Variants in UNC13C observed in about 807,000 individuals in gnomAD.
The protein encoded by UNC13C is unc-13 homolog C.
In UNC13C, 174 loss-of-function variants were observed where a neutral mutation model predicts 245.4. That is an observed-to-expected ratio of 0.71 (90% CI 0.63 to 0.80). UNC13C has a LOEUF of 0.80. Ranked by LOEUF, UNC13C falls within the 30% of genes least tolerant of loss-of-function variation. UNC13C has a pLI of 0.00. For missense variants in UNC13C, 2,829 were observed against 2,602.9 expected (o/e 1.09, Z -1.89); for synonymous variants, 992 against 895.1 (o/e 1.11, Z -1.93).
intron 2 of UNC13C, among the ~76,000 whole-genome samples, chr15:54,104,234 G>A (rs1197424339): frequency 2.6e-5 from 4 of 152,158 alleles, no homozygotes; most frequent in African/African-American, 9.7e-5. Flanking sequence ...ACGATGCCTG[G>A]ATTCTATATC....
the UNC13C span, among the ~76,000 whole-genome samples, chr15:53,921,032 G>C: frequency 6.6e-6 from 1 of 151,944 alleles, no homozygotes; most frequent in South Asian, 2.1e-4. Context: ...AGTTAAAGTA[G>C]GGTGCTAGGT....
intron 18 of UNC13C, among the ~76,000 whole-genome samples, chr15:54,397,082 T>C (rs1399066435): frequency 1.3e-5 from 2 of 151,464 alleles, no homozygotes; most frequent in African/African-American, 4.8e-5. Flanking sequence ...TTTAAGCTTT[T>C]AAAAAAATTC....
intron 17 of UNC13C, among the ~76,000 whole-genome samples, chr15:54,349,963 A>G (rs1211126740): frequency 6.6e-6 from 1 of 152,178 alleles, no homozygotes; most frequent in Non-Finnish European, 1.5e-5. Flanking sequence ...GAAGAAACAT[A>G]ATGTTGTATA....
intron 17 of UNC13C, among the ~76,000 whole-genome samples, chr15:54,361,784 G>T (rs562165367): frequency 1.3e-5 from 2 of 152,342 alleles, no homozygotes; most frequent in South Asian, 4.1e-4. Flanking sequence ...TACTCTGTGA[G>T]TTGAAGCTGA....
rs553810789 is a variant in UNC13C at position 54,234,520 on chromosome 15, G to A, written c.3072-510G>A. Among the ~76,000 whole-genome samples the A allele has an allele frequency of 5.9e-5, 9 of 152,230 alleles. No homozygotes were observed. The South Asian group carries it at 1.7e-3, about 28-fold the overall frequency. The stretch of plus-strand genomic sequence containing the variant: ...CCTGTAGGATGAATTCAGATAAGGG[G>A]AACTTGCGGTATAAGGGTAATTACC... On this transcript the variant is annotated intron_variant, in intron 4 of 32. Coordinates refer to ENST00000260323, the MANE Select transcript of UNC13C (RefSeq NM_001080534.3).
rs773113650 is a variant in UNC13C at position 54,013,509 on chromosome 15, C to G, written c.606C>G (p.Thr202=). 26 of 1,613,618 alleles carry G rather than the reference C, an allele frequency of 1.6e-5. No individual in the cohort carries two copies. The highest frequency in any genetic ancestry group is 2.0e-5 in the Non-Finnish European group (24 of 1,179,824). Residue 202 remains threonine (T), a synonymous_variant, in exon 2 of 33, where the codon ACC becomes ACG. Transcript: ENST00000260323. ...TCTCCTCAGACTCAGAGTTAAGCAC[C>G]ATGAAAAAATCCTGGGGAATAAGAA... The part of the protein sequence containing the change: ...ECVSSDSELS[T]MKKSWGIRSK...
intron 4 of UNC13C, among the ~76,000 whole-genome samples, chr15:54,180,757 T>A (rs1481564910): frequency 8.2e-6 from 1 of 121,948 alleles, no homozygotes; most frequent in African/African-American, 4.2e-5. Context: ...TGATGATGAA[T>A]TTTTTTTCAT....
intron 4 of UNC13C, among the ~76,000 whole-genome samples, chr15:54,201,623 G>T (rs1308483174): frequency 6.6e-6 from 1 of 151,856 alleles, no homozygotes; most frequent in Non-Finnish European, 1.5e-5. Context: ...ATCATTTTAT[G>T]ATTAAAATCC....
intron 4 of UNC13C, among the ~76,000 whole-genome samples, chr15:54,165,901 T>G (rs2033147623): frequency 6.6e-6 from 1 of 152,036 alleles, no homozygotes; most frequent in Admixed American, 6.6e-5. Context: ...AAAATGCATC[T>G]CATTTTTAAA....
intron 7 of UNC13C, among the ~76,000 whole-genome samples, chr15:54,245,317 G>A (rs1596074995): frequency 1.3e-5 from 2 of 152,118 alleles, no homozygotes; most frequent in Middle Eastern, 3.4e-3. Flanking sequence ...ATGTTATATT[G>A]TGCTCTCCTT....
chr15:54,425,660 A>G (rs1293742413), intron 19 of UNC13C, among the ~76,000 whole-genome samples: 1 of 151,872 alleles, frequency 6.6e-6, no homozygotes, highest in Non-Finnish European at 1.5e-5. Context: ...ACTAAGTTAA[A>G]ATTTCAGGGA....
chr15:54,376,642 T>A (rs1028350578), intron 17 of UNC13C, among the ~76,000 whole-genome samples: 1 of 152,200 alleles, frequency 6.6e-6, no homozygotes, highest in East Asian at 1.9e-4. Context: ...TGAGATGTGA[T>A]CCCAGGAAAG....
At position 54,012,915 on chromosome 15, in the gene UNC13C, T is replaced by G. The variant is rs771717291; in HGVS notation, c.12T>G (p.Asn4Lys). The stretch of plus-strand genomic sequence containing the variant: ...ACTAATTGCTCTCCATGGTGGCTAA[T>G]TTTTTCAAGAGCTTGATTTTACCTT... Reference protein sequence around the residue: MVANFFKSLILPYI... With the variant: MVAKFFKSLILPYI... Residue 4 changes from asparagine to lysine, a missense_variant, in exon 2 of 33, where the codon AAT becomes AAG. Coordinates refer to ENST00000260323, the MANE Select transcript of UNC13C (RefSeq NM_001080534.3). 36 of 1,597,016 alleles carry G rather than the reference T, an allele frequency of 2.3e-5. No homozygotes were observed. The highest frequency in any genetic ancestry group is 3.0e-5 in the Non-Finnish European group (35 of 1,172,840).
chr15:54,441,955 T>C (rs1890550679), intron 19 of UNC13C, among the ~76,000 whole-genome samples: 1 of 151,988 alleles, frequency 6.6e-6, no homozygotes, highest in Non-Finnish European at 1.5e-5. Flanking sequence ...AAATGGGATT[T>C]TCTTCTTTCT....
At chr15:54,165,936 A>T (rs1041211404) in intron 4 of UNC13C, among the ~76,000 whole-genome samples, 1 of 151,964 alleles carries the variant, frequency 6.6e-6, no homozygotes, top group Non-Finnish European at 1.5e-5. Context: ...TAACAGGTGA[A>T]TTCAAAATGT....
At chr15:54,202,921 G>T (rs987007244) in intron 4 of UNC13C, among the ~76,000 whole-genome samples, 1 of 151,872 alleles carries the variant, frequency 6.6e-6, no homozygotes, top group Admixed American at 6.6e-5. Context: ...CAATACATCC[G>T]ACAAAGGACT....
chr15:54,451,649 T>C (rs1443719229), intron 19 of UNC13C, among the ~76,000 whole-genome samples: 5 of 152,192 alleles, frequency 3.3e-5, no homozygotes, highest in Non-Finnish European at 7.3e-5. Context: ...ATGTTTCTCA[T>C]TTATATCCTG....
At chr15:53,886,746 C>A in the UNC13C span, among the ~76,000 whole-genome samples, 143 of 152,196 alleles carry the variant, frequency 9.4e-4, 1 homozygote, top group African/African-American at 3.3e-3. Context: ...ACTGGATGAT[C>A]AAGGTCAGTA....
intron 30 of UNC13C, among the ~76,000 whole-genome samples, chr15:54,614,244 C>T (rs560968290): frequency 1.3e-5 from 2 of 152,058 alleles, no homozygotes; most frequent in South Asian, 2.1e-4. Flanking sequence ...TGTTTTAACA[C>T]CATATTGCAT....
Sources: allele counts gnomAD v4.1 joint callset (sites outside exome capture counted in the v4.1 genomes callset), GRCh38; gene constraint gnomAD v4.1.1; transcripts MANE v1.5; gene names NCBI Gene and HGNC (gene_info 2026-07-23, HGNC 2026-07-21).